SVIL: variants seen among roughly 807,000 people sequenced by gnomAD.
SVIL encodes archvillin.
In SVIL, 101 loss-of-function variants were observed where a neutral mutation model predicts 240.4. The observed-to-expected ratio is 0.42, with a 90% CI of 0.36 to 0.50. SVIL has a LOEUF of 0.50. Among genes scored for constraint, SVIL ranks in the 20% least tolerant of loss-of-function variants. The pLI, the probability that SVIL is intolerant of heterozygous loss-of-function variation, is 0.01. For missense variants in SVIL, 2,512 were observed against 2,818.7 expected, an observed-to-expected ratio of 0.89 and a Z score of 2.46; for synonymous variants, 999 against 1,100.0, an observed-to-expected ratio of 0.91 and a Z score of 1.82.
chr10:29,659,173 G>T (rs1460941698), intron 2 of SVIL, among the ~76,000 whole-genome samples: 1 of 152,164 alleles, frequency 6.6e-6, no homozygotes, highest in Non-Finnish European at 1.5e-5. Flanking sequence ...AGACTCGAGG[G>T]TTGACACTCT....
chr10:29,522,635 G>T lies in SVIL; in HGVS notation c.3164C>A (p.Ala1055Glu), dbSNP rs116378282. 22 of 1,613,426 alleles carry T rather than the reference G, an allele frequency of 1.4e-5. No individual in the cohort carries two copies. In the East Asian group the frequency reaches 4.9e-4, roughly 36 times the overall value. ...GGAAGTGGGCTCCCCGAACTCTGCCGCTGGGAAGGAAAAGAGCAACATCAG... is the reference window on the plus strand; with the variant it reads ...GGAAGTGGGCTCCCCGAACTCTGCCTCTGGGAAGGAAAAGAGCAACATCAG... ...NVMKRKFSLRAAEFGEPTSEQ... is the reference protein window; with the variant it reads ...NVMKRKFSLREAEFGEPTSEQ... Residue 1055 changes from alanine (A) to glutamate (E), a missense_variant and splice_region_variant, in exon 16 of 38, where the codon GCG becomes GAG. Ala to Glu is a moderately radical substitution (Grantham distance 107). Around this residue, in one of 3 missense-constraint regions of SVIL, gnomAD observed 1,443 missense variants for 1,486.6 expected, o/e 0.97. Transcript: ENST00000355867.
chr10:29,588,934 C>T (rs1445160686), intron 1 of SVIL, among the ~76,000 whole-genome samples: 2 of 148,400 alleles, frequency 1.3e-5, no homozygotes, highest in African/African-American at 2.5e-5. Flanking sequence ...TATTCCTTGT[C>T]CTTAAAATAC....
intron 1 of SVIL, among the ~76,000 whole-genome samples, chr10:29,619,885 T>C (rs1414297284): frequency 6.6e-6 from 1 of 152,226 alleles, no homozygotes; most frequent in African/African-American, 2.4e-5. Flanking sequence ...TTTTTTTAAA[T>C]GTGGATTTTT....
chr10:29,729,979 A>C (rs952521757), intron 1 of SVIL, among the ~76,000 whole-genome samples: 1 of 151,310 alleles, frequency 6.6e-6, no homozygotes, highest in Non-Finnish European at 1.5e-5. Flanking sequence ...ACTTGAGCCC[A>C]GGGAGCTCGA....
chr10:29,602,415 C>T, intron 1 of SVIL: 2 of 417,244 alleles, frequency 4.8e-6, no homozygotes, highest in Non-Finnish European at 1.0e-5. Context: ...AACCTGGATC[C>T]CAGGCCCCAA....
At chr10:29,565,043 A>G (rs7077610) in intron 2 of SVIL, among the ~76,000 whole-genome samples, 65,853 of 152,122 alleles carry the variant, frequency 0.43, 14,343 homozygotes, top group African/African-American at 0.47. Flanking sequence ...TACTTTCTTT[A>G]GGAAACTAAA....
intron 1 of SVIL, among the ~76,000 whole-genome samples, chr10:29,624,934 C>T (rs1345564375): frequency 6.6e-6 from 1 of 152,120 alleles, no homozygotes; most frequent in Non-Finnish European, 1.5e-5. Flanking sequence ...GCCCCATGAA[C>T]CAAGCAATCT....
At chr10:29,508,756 T>C (rs1345011606) in intron 17 of SVIL, among the ~76,000 whole-genome samples, 2 of 152,210 alleles carry the variant, frequency 1.3e-5, no homozygotes, top group East Asian at 1.9e-4. Context: ...CTGAGCTGGA[T>C]ACACTGACCT....
intron 3 of SVIL, among the ~76,000 whole-genome samples, chr10:29,653,154 T>C (rs937923965): frequency 6.6e-6 from 1 of 152,172 alleles, no homozygotes; most frequent in African/African-American, 2.4e-5. Flanking sequence ...TTTGTGTTCT[T>C]GCCCCAATCT....
rs534248399 is a variant in SVIL at position 29,505,195 on chromosome 10, G to A, written c.3517-5932C>T. 4.6e-5 allele frequency among the ~76,000 whole-genome samples: 7 copies of A among 152,122 alleles called. No individual in the cohort carries two copies. The South Asian group carries it at 8.3e-4, about 18-fold the overall frequency. ...AAACAATTACCTGGGGTGTGGTGGC[G>A]GGCGCCTGCAATCGCAGCTACTCAG... On this transcript the variant is annotated intron_variant, in intron 17 of 37. Transcript: ENST00000355867.
intron 3 of SVIL, among the ~76,000 whole-genome samples, chr10:29,651,681 A>T (rs1440506796): frequency 6.8e-6 from 1 of 147,936 alleles, no homozygotes; most frequent in Non-Finnish European, 1.5e-5. Context: ...TTCACCTATC[A>T]TCTAAATGTT....
intron 2 of SVIL, among the ~76,000 whole-genome samples, chr10:29,663,420 C>T (rs1471851733): frequency 6.6e-6 from 1 of 152,094 alleles, no homozygotes; most frequent in Non-Finnish European, 1.5e-5. Context: ...ACACAGTCTC[C>T]CTCTGTTGCC....
At chr10:29,509,328 A>AGG (rs1564540828) in intron 17 of SVIL, among the ~76,000 whole-genome samples, 24 of 91,940 alleles carry the variant, frequency 2.6e-4, no homozygotes, top group Admixed American at 1.9e-3. Flanking sequence ...AAGGAGGGGG[A>AGG]GGGAGAGAGA....
chr10:29,655,631 G>A (rs1382883765), intron 3 of SVIL, among the ~76,000 whole-genome samples: 1 of 152,122 alleles, frequency 6.6e-6, no homozygotes, highest in Non-Finnish European at 1.5e-5. Context: ...AGGCATCTAA[G>A]CCTCCCTTAG....
intron 1 of SVIL, among the ~76,000 whole-genome samples, chr10:29,711,276 G>T (rs1247085): frequency 0.67 from 102,089 of 151,976 alleles, 34,632 homozygotes; most frequent in East Asian, 0.82. Flanking sequence ...GACGCACGCC[G>T]GTGGTCCCAG....
rs901390391 is a variant in SVIL, at chr10:29,484,496, A to C, written c.4955+160T>G. On this transcript the variant is annotated intron_variant, in intron 27 of 37. Transcript: ENST00000355867. The surrounding 1 kb of genome is among the most constrained non-coding windows in gnomAD (Gnocchi z 4.7). Reference sequence around the variant, plus strand: ...TTCTGCAATAGTTAGATAAAAGTTAAAGAACTGTTCCTTTTGTGAATATTC... The same window carrying C: ...TTCTGCAATAGTTAGATAAAAGTTACAGAACTGTTCCTTTTGTGAATATTC... Among the ~76,000 whole-genome samples, 2 of 152,232 alleles carry C rather than the reference A, an allele frequency of 1.3e-5. No individual in the cohort carries two copies. Among genetic ancestry groups the C allele is most frequent in the Admixed American group, 1.3e-4 (2 of 15,288 alleles).
intron 1 of SVIL, among the ~76,000 whole-genome samples, chr10:29,727,310 C>G (rs1481366372): frequency 6.6e-6 from 1 of 152,022 alleles, no homozygotes; most frequent in Non-Finnish European, 1.5e-5. Context: ...CTAACATTAG[C>G]TGGAGTATAG....
Position 29,458,580 on chromosome 10 carries a change from C to A in SVIL, c.6412G>T (p.Val2138Phe). ...IAEITEMDTE[V>F]SNQITLVEDV... ...TCCACGAGGGTGATCTGATTGGAAA[C>A]TTCCGTGTCCTAGAGAAGAGGAGGG... Residue 2138 changes from valine (V) to phenylalanine (F), a missense_variant, in exon 37 of 38, where the codon GTT becomes TTT. Around this residue, in one of 3 missense-constraint regions of SVIL, gnomAD observed 797 missense variants for 925.3 expected, o/e 0.86. Coordinates refer to ENST00000355867, the MANE Select transcript of SVIL (RefSeq NM_021738.3). 2 of 1,612,570 alleles carry A rather than the reference C, an allele frequency of 1.2e-6. No individual in the cohort carries two copies. Among genetic ancestry groups the A allele is most frequent in the Non-Finnish European group, 1.7e-6 (2 of 1,179,490 alleles).
chr10:29,603,095 TC>T (rs1956878489), intron 1 of SVIL, among the ~76,000 whole-genome samples: 1 of 152,128 alleles, frequency 6.6e-6, no homozygotes, highest in African/African-American at 2.4e-5. Flanking sequence ...CGAGACTCCT[TC>T]CCCTTGCTGG....
Sources: gnomAD v4.1 joint callset for allele counts (sites outside exome capture counted in the v4.1 genomes callset) on GRCh38, gnomAD v4.1.1 for gene constraint, gnomAD v4.1.1 regional missense constraint, Gnocchi (gnomAD v3.1) non-coding constraint, MANE v1.5 for transcripts, NCBI Gene and HGNC (gene_info 2026-07-23, HGNC 2026-07-21) for gene names.